DNAJB14: variants seen among roughly 807,000 people sequenced by gnomAD.
DNAJB14 encodes dnaJ homolog subfamily B member 14.
Under a neutral mutation model 48.4 loss-of-function variants are expected in DNAJB14, and 22 were observed. The ratio of observed to expected loss-of-function variants is 0.45; its 90% confidence interval spans 0.32 to 0.65. The LOEUF (loss-of-function observed/expected upper bound fraction) is 0.65, where lower values mean the gene tolerates loss of function less well. Ranked by LOEUF, DNAJB14 falls within the 30% of genes least tolerant of loss-of-function variation. The pLI is 0.03. For missense variants in DNAJB14, 319 were observed against 458.8 expected (o/e 0.70, Z 2.78); for synonymous variants, 142 against 158.7 (o/e 0.89, Z 0.79).
chr4:99,913,551 T>C (rs1725742821), intron 3 of DNAJB14, among the ~76,000 whole-genome samples: 1 of 152,056 alleles, frequency 6.6e-6, no homozygotes. Context: ...TAATTCTTTT[T>C]ATATACTGCA....
chr4:99,943,457 G>A (rs1726951339), intron 1 of DNAJB14, among the ~76,000 whole-genome samples: 1 of 152,160 alleles, frequency 6.6e-6, no homozygotes, highest in African/African-American at 2.4e-5. Flanking sequence ...ATGATAGTGT[G>A]TACATTTGGG....
chr4:99,931,697 T>C (rs1726472582), intron 1 of DNAJB14, among the ~76,000 whole-genome samples: 1 of 151,622 alleles, frequency 6.6e-6, no homozygotes, highest in African/African-American at 2.4e-5. Context: ...CGCTAGACCA[T>C]AGAGTGGTCC....
chr4:99,917,552 C>T (rs1019115552), intron 3 of DNAJB14, among the ~76,000 whole-genome samples: 5 of 152,240 alleles, frequency 3.3e-5, no homozygotes, highest in African/African-American at 7.2e-5. Context: ...TGGGGCACCA[C>T]AAATAATACC....
chr4:99,923,609 T>G (rs1219983064), intron 2 of DNAJB14: 2 of 971,844 alleles, frequency 2.1e-6, no homozygotes, highest in African/African-American at 3.5e-5. Flanking sequence ...TTCCAAAAAT[T>G]TTGTTCTTGC....
intron 3 of DNAJB14, among the ~76,000 whole-genome samples, chr4:99,910,558 T>C (rs1288802739): frequency 2.6e-5 from 4 of 152,010 alleles, no homozygotes; most frequent in Non-Finnish European, 5.9e-5. Flanking sequence ...TTTTAAGGCT[T>C]CCTTTTTTAG....
chr4:99,909,609 CACA>C (rs1482998970), intron 3 of DNAJB14, among the ~76,000 whole-genome samples: 1 of 151,952 alleles, frequency 6.6e-6, no homozygotes. Flanking sequence ...TTGCTACCTT[CACA>C]ACATTTATTT....
intron 1 of DNAJB14, among the ~76,000 whole-genome samples, chr4:99,940,251 A>AT (rs1311778517): frequency 6.6e-6 from 1 of 152,206 alleles, no homozygotes; most frequent in Non-Finnish European, 1.5e-5. Context: ...CAAAATACAA[A>AT]TAGCTTTTAT....
intron 2 of DNAJB14, chr4:99,926,825 C>G (rs1726275217): frequency 6.6e-6 from 1 of 151,982 alleles, no homozygotes; most frequent in Admixed American, 6.6e-5. Context: ...CTCCTCTGCA[C>G]TAAATTTTTC....
intron 5 of DNAJB14, 115 bp from the exon 6 acceptor site, chr4:99,905,821 C>T: frequency 7.8e-7 from 1 of 1,279,592 alleles, no homozygotes; most frequent in South Asian, 1.4e-5. Flanking sequence ...TAGTTCAGTG[C>T]TTTCAAATCT....
chr4:99,912,258 C>T lies in DNAJB14; in HGVS notation c.452-3362G>A, dbSNP rs992703404. The stretch of plus-strand genomic sequence containing the variant: ...TGTGTGTATCTCTCTGCCATTACCA[C>T]GCAGTTTTGTTTACTGTTTATCTAT... On this transcript the variant is annotated intron_variant, in intron 3 of 7. Coordinates refer to ENST00000442697, the MANE Select transcript of DNAJB14 (RefSeq NM_001031723.4). Among the ~76,000 whole-genome samples, 96 of 152,318 alleles carry T rather than the reference C, an allele frequency of 6.3e-4. 2 individuals are homozygous for T. The highest frequency in any genetic ancestry group is 1.6e-3 in the Admixed American group (25 of 15,300).
At chr4:99,910,386 A>C (rs1457591816) in intron 3 of DNAJB14, 1 of 152,064 alleles carries the variant, frequency 6.6e-6, no homozygotes, top group African/African-American at 2.4e-5. Flanking sequence ...CTAAAAAAAG[A>C]AGCATATCTA....
chr4:99,923,335 T>G, intron 2 of DNAJB14, 150 bp from the exon 3 acceptor site: 1 of 740,228 alleles, frequency 1.4e-6, no homozygotes, highest in Non-Finnish European at 2.0e-6. Flanking sequence ...AGGATTAGTC[T>G]GCTTCATTCT....
intron 1 of DNAJB14, among the ~76,000 whole-genome samples, chr4:99,934,677 C>T (rs1471061296): frequency 6.7e-6 from 1 of 150,242 alleles, no homozygotes; most frequent in Non-Finnish European, 1.5e-5. Flanking sequence ...CCTGTAATCC[C>T]AGCTACCCGG....
chr4:99,937,468 T>TA (rs1449664302), intron 1 of DNAJB14, among the ~76,000 whole-genome samples: 1 of 152,154 alleles, frequency 6.6e-6, no homozygotes, highest in African/African-American at 2.4e-5. Flanking sequence ...CTCACACCTG[T>TA]AATCCCAGCA....
At chr4:99,928,553 G>T in intron 2 of DNAJB14, 1 of 440,700 alleles carries the variant, frequency 2.3e-6, no homozygotes, top group Non-Finnish European at 4.6e-6. Flanking sequence ...AGAACAAAGA[G>T]GCATCAATGC....
chr4:99,902,913 G>A (rs772142433), intron 7 of DNAJB14, among the ~76,000 whole-genome samples: 7 of 152,118 alleles, frequency 4.6e-5, no homozygotes, highest in Non-Finnish European at 7.4e-5. Context: ...GCTTGGGACA[G>A]TGACTGAAAC....
rs1421559629 is a variant in DNAJB14 at position 99,900,529 on chromosome 4, G to T, written c.*499C>A. The T allele has an allele frequency of 6.6e-6, 1 of 152,144 alleles. No individual in the cohort carries two copies. The highest frequency in any genetic ancestry group is 1.5e-5 in the Non-Finnish European group (1 of 67,952). 9.4% of individuals were successfully genotyped at this position (152,144 alleles called of 1,614,324 possible). A position where few individuals can be genotyped will look rare whatever the true frequency, so the allele number is the denominator to read the frequency against. ...GTTTTTGTTTTTTCTTTTTGAAAAAGTTTCATTGTTTAAAGTCCACATATT... is the reference window on the plus strand; with the variant it reads ...GTTTTTGTTTTTTCTTTTTGAAAAATTTTCATTGTTTAAAGTCCACATATT... On this transcript the variant is annotated 3_prime_UTR_variant, in exon 8 of 8. Transcript: ENST00000442697.
chr4:99,938,298 A>G (rs1578238757), intron 1 of DNAJB14, among the ~76,000 whole-genome samples: 1 of 149,120 alleles, frequency 6.7e-6, no homozygotes. Context: ...TGGTATCTGG[A>G]GAATAAAACA....
intron 3 of DNAJB14, among the ~76,000 whole-genome samples, chr4:99,917,780 T>C (rs1725908395): frequency 6.6e-6 from 1 of 152,224 alleles, no homozygotes; most frequent in South Asian, 2.1e-4. Flanking sequence ...GTCGTTTTCC[T>C]TCAGCACTTG....
Sources: gnomAD v4.1 joint callset for allele counts (sites outside exome capture counted in the v4.1 genomes callset) on GRCh38, gnomAD v4.1.1 for gene constraint, MANE v1.5 for transcripts, NCBI Gene and HGNC (gene_info 2026-07-23, HGNC 2026-07-21) for gene names.